Variants in ZC2HC1A observed in about 807,000 individuals in gnomAD.
ZC2HC1A encodes the protein zinc finger C2HC domain-containing protein 1A.
A neutral mutation model predicts 40.7 loss-of-function variants in ZC2HC1A; 28 were observed. The ratio of observed to expected loss-of-function variants is 0.69; its 90% CI spans 0.51 to 0.94. The LOEUF (loss-of-function observed/expected upper bound fraction) is 0.94, where lower values mean the gene tolerates loss of function less well. ZC2HC1A is among the 40% of genes least tolerant of loss of function. ZC2HC1A has a pLI of 0.00. For synonymous variants in ZC2HC1A, 129 were observed against 129.2 expected (o/e 1.00, Z 0.01); for missense variants, 389 against 386.3 (o/e 1.01, Z -0.06).
intron 3 of ZC2HC1A, among the ~76,000 whole-genome samples, chr8:78,679,911 C>T (rs183167527): frequency 3.9e-5 from 6 of 152,194 alleles, no homozygotes; most frequent in East Asian, 3.9e-4. Context: ...TACCTGCTGC[C>T]TATATTAGCT....
chr8:78,676,128 A>T (rs1809571294), intron 2 of ZC2HC1A: 1 of 263,216 alleles, frequency 3.8e-6, no homozygotes, highest in Non-Finnish European at 7.0e-6. Context: ...AACAAAATAA[A>T]AAAAAAAAAA....
Position 78,718,659 on chromosome 8 carries a change from C to A in ZC2HC1A, c.*1166C>A, listed in dbSNP as rs1811176908. Reference sequence around the variant, plus strand: ...TTGTTTTAATGCATAATTGACTTACCTAATTAAACATACACACAAATTTAA... The same window carrying A: ...TTGTTTTAATGCATAATTGACTTACATAATTAAACATACACACAAATTTAA... On this transcript the variant is annotated 3_prime_UTR_variant, in exon 9 of 9. Transcript: ENST00000263849. The A allele has an allele frequency of 6.6e-6, 1 of 151,726 alleles. No homozygotes were observed. The highest frequency in any genetic ancestry group is 2.4e-5 in the African/African-American group (1 of 41,400). The allele number at this position is 151,726 out of a possible 1,614,324, so 9.4% of individuals were successfully genotyped here.
At chr8:78,681,445 G>A (rs915867296) in intron 3 of ZC2HC1A, among the ~76,000 whole-genome samples, 3 of 152,166 alleles carry the variant, frequency 2.0e-5, no homozygotes, top group African/African-American at 4.8e-5. Context: ...AAATGTTAAA[G>A]AGTCAGTAAT....
At chr8:78,714,912 T>C (rs1811053030) in intron 7 of ZC2HC1A, among the ~76,000 whole-genome samples, 1 of 152,174 alleles carries the variant, frequency 6.6e-6, no homozygotes, top group African/African-American at 2.4e-5. Context: ...TTGAGGGAAA[T>C]ATAAATTTAA....
chr8:78,676,717 G>A (rs1585979224), intron 2 of ZC2HC1A, among the ~76,000 whole-genome samples: 2 of 151,610 alleles, frequency 1.3e-5, no homozygotes, highest in South Asian at 2.1e-4. Flanking sequence ...AATAATGATG[G>A]CTTTTTTGTA....
chr8:78,666,819 G>T (rs1287622063), intron 1 of ZC2HC1A, among the ~76,000 whole-genome samples: 1 of 152,080 alleles, frequency 6.6e-6, no homozygotes, highest in African/African-American at 2.4e-5. Flanking sequence ...GTTTATCTTT[G>T]TACTGTAACC....
chr8:78,689,970 T>C (rs1341325306), intron 5 of ZC2HC1A, among the ~76,000 whole-genome samples: 2 of 152,190 alleles, frequency 1.3e-5, no homozygotes, highest in African/African-American at 2.4e-5. Flanking sequence ...AGGCTGGTAT[T>C]TGTGTATAGT....
At chr8:78,667,473 T>C (rs1809331431) in intron 1 of ZC2HC1A, among the ~76,000 whole-genome samples, 2 of 152,208 alleles carry the variant, frequency 1.3e-5, no homozygotes, top group Non-Finnish European at 2.9e-5. Context: ...GATTATCATA[T>C]ATAATATGAT....
intron 7 of ZC2HC1A, among the ~76,000 whole-genome samples, chr8:78,706,085 T>G (rs1395848589): frequency 6.6e-6 from 1 of 152,064 alleles, no homozygotes; most frequent in Non-Finnish European, 1.5e-5. Flanking sequence ...TCTGGTTGGT[T>G]TGTACTCTCC....
intron 1 of ZC2HC1A, among the ~76,000 whole-genome samples, chr8:78,668,679 TA>T (rs1027240053): frequency 2.0e-5 from 3 of 152,206 alleles, no homozygotes; most frequent in Non-Finnish European, 2.9e-5. Flanking sequence ...TCTGTTTTTG[TA>T]GAATCAATAT....
intron 1 of ZC2HC1A, among the ~76,000 whole-genome samples, chr8:78,675,160 G>A (rs954224686): frequency 1.3e-5 from 2 of 151,216 alleles, no homozygotes; most frequent in African/African-American, 2.4e-5. Context: ...AGTGAAAGTT[G>A]TAGCTACCTC....
chr8:78,685,904 G>A (rs1809953170), intron 3 of ZC2HC1A: 1 of 152,316 alleles, frequency 6.6e-6, no homozygotes, highest in Non-Finnish European at 1.5e-5. Flanking sequence ...TGGAGGTTGG[G>A]AAGTCCAGGA....
chr8:78,714,907 G>T (rs1469577015), intron 7 of ZC2HC1A, among the ~76,000 whole-genome samples: 2 of 151,782 alleles, frequency 1.3e-5, no homozygotes, highest in Non-Finnish European at 2.9e-5. Flanking sequence ...ATGTTTTGAG[G>T]GAAATATAAA....
At chr8:78,690,019 G>T (rs1810155759) in intron 5 of ZC2HC1A, among the ~76,000 whole-genome samples, 2 of 152,046 alleles carry the variant, frequency 1.3e-5, no homozygotes, top group Non-Finnish European at 2.9e-5. Context: ...TTTTCTATGT[G>T]GATATTCTAT....
intron 7 of ZC2HC1A, 129 bp downstream of exon 7, chr8:78,698,642 G>C: frequency 1.6e-6 from 1 of 641,978 alleles, no homozygotes; most frequent in East Asian, 3.4e-5. Context: ...ACATTTTGCT[G>C]GTCAGGAGCA....
chr8:78,679,438 A>G (rs62518976), intron 3 of ZC2HC1A: 9,009 of 152,234 alleles, frequency 0.059, 315 homozygotes, highest in Middle Eastern at 0.082. Flanking sequence ...ATTTAATGCT[A>G]TGTAAATAGT....
chr8:78,693,134 T>A (rs1025624384), intron 5 of ZC2HC1A, among the ~76,000 whole-genome samples: 8 of 152,230 alleles, frequency 5.3e-5, no homozygotes, highest in Non-Finnish European at 1.0e-4. Context: ...TCTATCATTG[T>A]TGGACATTTG....
At chr8:78,697,213 T>C (rs550274039) in intron 5 of ZC2HC1A, among the ~76,000 whole-genome samples, 194 bp from the exon 6 acceptor site, 10 of 152,226 alleles carry the variant, frequency 6.6e-5, no homozygotes, top group Non-Finnish European at 1.3e-4. Flanking sequence ...TTTTTAAGAA[T>C]ACAATTCAGT....
At chr8:78,702,037 CAGT>C (rs1810622713) in intron 7 of ZC2HC1A, among the ~76,000 whole-genome samples, 1 of 152,052 alleles carries the variant, frequency 6.6e-6, no homozygotes. Context: ...GGAATAATAT[CAGT>C]AGGAATTGTA....
Sources: allele counts gnomAD v4.1 joint callset (sites outside exome capture counted in the v4.1 genomes callset), GRCh38; gene constraint gnomAD v4.1.1; transcripts MANE v1.5; gene names NCBI Gene and HGNC (gene_info 2026-07-23, HGNC 2026-07-21).